CASD1: variants seen among roughly 807,000 people sequenced by gnomAD.
CASD1 encodes N-acetylneuraminate (7)9-O-acetyltransferase.
Under a neutral mutation model 100.0 loss-of-function variants are expected in CASD1, and 41 were observed. That is an observed-to-expected ratio of 0.41 (90% CI 0.32 to 0.53). The LOEUF is 0.53. Among genes scored for constraint, CASD1 ranks in the 20% least tolerant of loss-of-function variants. The pLI is 0.25. For missense variants in CASD1, 774 were observed against 948.7 expected (o/e 0.82, Z 2.42); for synonymous variants, 321 against 315.6 (o/e 1.02, Z -0.18).
chr7:94,617,129 C>G, the CASD1 span: 1 of 152,140 alleles, frequency 6.6e-6, no homozygotes, highest in Non-Finnish European at 1.5e-5. Context: ...AGGCCCAGCC[C>G]TAGGCTCAAA....
rs759708435 is a variant in CASD1, at chr7:94,510,253, G to C, written c.133+36G>C. 1.5e-5 allele frequency: 20 copies of C among 1,374,720 alleles called. No individual in the cohort carries two copies. In the South Asian group the frequency reaches 2.2e-4, roughly 15 times the overall value. The allele number at this position is 1,374,720 out of a possible 1,614,324, so 85.2% of individuals were successfully genotyped here. ...CCTCCCCTCTGCCCGGGCAGGCCGT[G>C]GGGGAGGCGGCGACGCGGCGGCTGG... On this transcript the variant is annotated intron_variant, in intron 1 of 17. Coordinates refer to ENST00000297273, the MANE Select transcript of CASD1 (RefSeq NM_022900.5).
intron 5 of CASD1, among the ~76,000 whole-genome samples, chr7:94,528,780 CACA>C (rs1308303986): frequency 6.6e-6 from 1 of 152,098 alleles, no homozygotes; most frequent in Non-Finnish European, 1.5e-5. Context: ...CCTAAGTTCT[CACA>C]AGTCCATTTT....
Position 94,556,961 on chromosome 7 carries a change from G to A in CASD1, c.*1203G>A, listed in dbSNP as rs1268118270. The A allele has an allele frequency of 6.6e-6, 1 of 151,952 alleles. No homozygotes were observed. The highest frequency in any genetic ancestry group is 1.5e-5 in the Non-Finnish European group (1 of 67,906). 9.4% of individuals were successfully genotyped at this position (151,952 alleles called of 1,614,324 possible). A position where few individuals can be genotyped will look rare whatever the true frequency, so the allele number is the denominator to read the frequency against. ...TTAAACAGTAAATAAACATTCTGTG[G>A]ATGCTTATTTTTGTATTGGCAAAGT... On this transcript the variant is annotated 3_prime_UTR_variant, in exon 18 of 18. Transcript: ENST00000297273.
At chr7:94,633,432 TG>T in the CASD1 span, among the ~76,000 whole-genome samples, 1 of 152,126 alleles carries the variant, frequency 6.6e-6, no homozygotes, top group Non-Finnish European at 1.5e-5. Flanking sequence ...AGCAAGTAGC[TG>T]GGATCATTAT....
chr7:94,598,341 A>G, the CASD1 span: 1 of 188,888 alleles, frequency 5.3e-6, no homozygotes, highest in Admixed American at 5.6e-5. Flanking sequence ...AAACAACCCA[A>G]ACACCCTTAA....
chr7:94,586,061 G>GAAAAAAAAAAAAAAAAAAAAAAAAAA, the CASD1 span, among the ~76,000 whole-genome samples: 1 of 28,908 alleles, frequency 3.5e-5, no homozygotes, highest in Non-Finnish European at 5.9e-5. Context: ...GGAACTAAAT[G>GAAAAAAAAAAAAAAAAAAAAAAAAAA]AAAAAAAAAA....
chr7:94,530,637 G>T (rs1364577320), intron 5 of CASD1, among the ~76,000 whole-genome samples: 2 of 152,096 alleles, frequency 1.3e-5, no homozygotes, highest in African/African-American at 4.8e-5. Flanking sequence ...AAAGAAACTG[G>T]CAGTTTAGAT....
the CASD1 span, among the ~76,000 whole-genome samples, chr7:94,584,398 C>G: frequency 6.6e-6 from 1 of 152,118 alleles, no homozygotes; most frequent in African/African-American, 2.4e-5. Context: ...AGTGGCAATG[C>G]CCTAGTTAAC....
chr7:94,610,488 C>A, the CASD1 span, among the ~76,000 whole-genome samples: 1 of 151,220 alleles, frequency 6.6e-6, no homozygotes, highest in African/African-American at 2.4e-5. Flanking sequence ...TTCTATAAAC[C>A]TAAAAATTCT....
the CASD1 span, chr7:94,599,855 T>C: frequency 2.7e-6 from 2 of 729,120 alleles, no homozygotes; most frequent in African/African-American, 3.5e-5. Flanking sequence ...CAGGCAGCAT[T>C]TGCCACCAGG....
intron 3 of CASD1, among the ~76,000 whole-genome samples, chr7:94,520,218 C>T (rs1794191813): frequency 6.6e-6 from 1 of 152,156 alleles, no homozygotes; most frequent in African/African-American, 2.4e-5. Flanking sequence ...ACCTTGAGGA[C>T]AGAAATTACA....
the CASD1 span, among the ~76,000 whole-genome samples, chr7:94,573,804 A>G: frequency 6.6e-6 from 1 of 152,048 alleles, no homozygotes; most frequent in Non-Finnish European, 1.5e-5. Flanking sequence ...CTTGTCTTGT[A>G]CTGATTTTTA....
chr7:94,566,268 G>A, the CASD1 span, among the ~76,000 whole-genome samples: 2 of 152,006 alleles, frequency 1.3e-5, no homozygotes, highest in Non-Finnish European at 2.9e-5. Context: ...AAAATTCTTA[G>A]TACAGTGTAC....
At chr7:94,598,013 A>T in the CASD1 span, 1 of 173,232 alleles carries the variant, frequency 5.8e-6, no homozygotes, top group East Asian at 1.7e-4. Flanking sequence ...ATCTTAAAAA[A>T]AAAAAAGAAA....
the CASD1 span, among the ~76,000 whole-genome samples, chr7:94,572,220 G>A: frequency 6.6e-6 from 1 of 152,102 alleles, no homozygotes; most frequent in Non-Finnish European, 1.5e-5. Flanking sequence ...ACAGACATGA[G>A]CCACCATGCC....
rs755432440 is a variant in CASD1 at position 94,533,708 on chromosome 7, T to G, written c.534T>G (p.Ser178Arg). Residue 178 changes from serine (S) to arginine (R), a missense_variant, in exon 7 of 18, where the codon AGT becomes AGG. This residue lies in a region of CASD1 where 453 missense variants were observed against 532.6 expected (regional missense o/e 0.85). Transcript: ENST00000297273. ...CCATCAAGATTCACAATGGTAGCAGTGAAGCGCTTTCTCAATATAAAATGA... is the reference window on the plus strand; with the variant it reads ...CCATCAAGATTCACAATGGTAGCAGGGAAGCGCTTTCTCAATATAAAATGA... ...TWSIKIHNGS[S>R]EALSQYKMNI... is the part of the protein sequence containing the mutation. 1.2e-6 allele frequency: 2 copies of G among 1,605,126 alleles called. No individual in the cohort carries two copies. Among genetic ancestry groups the G allele is most frequent in the Non-Finnish European group, 1.7e-6 (2 of 1,175,898 alleles).
chr7:94,611,813 A>G, the CASD1 span, among the ~76,000 whole-genome samples: 299 of 152,328 alleles, frequency 2.0e-3, 2 homozygotes, highest in African/African-American at 6.9e-3. Context: ...TGCTCTACAC[A>G]TCAAATTTAT....
At chr7:94,588,595 G>A in the CASD1 span, 28 of 1,553,188 alleles carry the variant, frequency 1.8e-5, no homozygotes, top group Middle Eastern at 2.2e-4. Flanking sequence ...CTTATTTGGT[G>A]AAGATAAAGC....
At chr7:94,580,238 C>T in the CASD1 span, among the ~76,000 whole-genome samples, 1 of 152,068 alleles carries the variant, frequency 6.6e-6, no homozygotes, top group African/African-American at 2.4e-5. Flanking sequence ...TTCTTAACAT[C>T]CTTCAGACTT....
Sources: allele counts gnomAD v4.1 joint callset (sites outside exome capture counted in the v4.1 genomes callset), GRCh38; gene constraint gnomAD v4.1.1; regional missense constraint gnomAD v4.1.1; transcripts MANE v1.5; gene names NCBI Gene and HGNC (gene_info 2026-07-23, HGNC 2026-07-21).